The following PCDHGA7 variants were observed in gnomAD, a reference collection of about 807,000 sequenced individuals.
PCDHGA7 encodes the protein protocadherin gamma-A7.
PCDHGA7 carries 44 observed loss-of-function variants against 58.3 expected under a neutral mutation model. The ratio of observed to expected loss-of-function variants is 0.75; its 90% CI spans 0.59 to 0.97. The LOEUF (loss-of-function observed/expected upper bound fraction) is 0.97. PCDHGA7 is among the 50% of genes least tolerant of loss of function. The pLI is 0.00. For synonymous variants in PCDHGA7, 516 were observed against 504.2 expected, an observed-to-expected ratio of 1.02 and a Z score of -0.31; for missense variants, 1,266 against 1,188.7, an observed-to-expected ratio of 1.06 and a Z score of -0.96.
chr5:141,461,778 C>CA (rs1280703059), intron 1 of PCDHGA7, among the ~76,000 whole-genome samples: 6 of 152,052 alleles, frequency 3.9e-5, no homozygotes, highest in Non-Finnish European at 7.4e-5. Context: ...CTCAGCCTCC[C>CA]AAGTAGCTGG....
At chr5:141,410,216 C>T in intron 1 of PCDHGA7, 1 of 1,614,002 alleles carries the variant, frequency 6.2e-7, no homozygotes, top group Non-Finnish European at 8.5e-7. Flanking sequence ...GCAAGAGATA[C>T]TGCCAGACCT....
At chr5:141,390,649 G>A in intron 1 of PCDHGA7, 1 of 210,770 alleles carries the variant, frequency 4.7e-6, no homozygotes, top group Non-Finnish European at 9.4e-6. Flanking sequence ...TTTTCAGCTT[G>A]GATATACCAT....
chr5:141,478,612 G>A (rs1311028260), intron 1 of PCDHGA7: 2 of 1,558,218 alleles, frequency 1.3e-6, no homozygotes, highest in African/African-American at 1.4e-5. Flanking sequence ...TATTGAGGAA[G>A]GAATGGAGCT....
rs752999009 is a variant in PCDHGA7, at chr5:141,409,899, C to T, written c.2424+24576C>T. 4 of 1,613,152 alleles carry T rather than the reference C, an allele frequency of 2.5e-6. No individual in the cohort carries two copies. The East Asian group carries it at 8.9e-5, about 36-fold the overall frequency. ...AACGCACCGCGGGTGCTGTACCCAG[C>T]TCTGGGTCCTGACGGCTCCGCGTTC... On this transcript the variant is annotated intron_variant, in intron 1 of 3. Coordinates refer to ENST00000518325, the MANE Select transcript of PCDHGA7 (RefSeq NM_018920.4).
chr5:141,440,075 T>C (rs2098148518), intron 1 of PCDHGA7: 1 of 152,428 alleles, frequency 6.6e-6, no homozygotes, highest in Non-Finnish European at 1.5e-5. Flanking sequence ...TGAGGAATAA[T>C]ACTTCATTCT....
At chr5:141,502,019 G>A (rs1454981730) in intron 2 of PCDHGA7, among the ~76,000 whole-genome samples, 1 of 152,008 alleles carries the variant, frequency 6.6e-6, no homozygotes, top group African/African-American at 2.4e-5. Flanking sequence ...TCTCCTCCCT[G>A]CAACCCCCGC....
intron 1 of PCDHGA7, chr5:141,440,542 C>T (rs1448576873): frequency 6.6e-6 from 1 of 152,206 alleles, no homozygotes; most frequent in Non-Finnish European, 1.5e-5. Context: ...CACGGTTCAG[C>T]AGGAATGTTA....
chr5:141,405,041 G>A (rs1276032851), intron 1 of PCDHGA7: 1 of 1,613,976 alleles, frequency 6.2e-7, no homozygotes, highest in Non-Finnish European at 8.5e-7. Flanking sequence ...CGTTGTGGCT[G>A]TGGCAGTCGT....
chr5:141,475,768 G>A (rs756539564), intron 1 of PCDHGA7, among the ~76,000 whole-genome samples: 5 of 152,280 alleles, frequency 3.3e-5, no homozygotes, highest in South Asian at 2.1e-4. Flanking sequence ...TACTGGCAAG[G>A]CGCTTTGGCT....
intron 1 of PCDHGA7, chr5:141,420,307 A>G (rs2096487660): frequency 1.5e-5 from 22 of 1,459,622 alleles, no homozygotes; most frequent in Non-Finnish European, 1.8e-5. Flanking sequence ...AATCCTTTTT[A>G]TATTACAATA....
chr5:141,502,084 G>A (rs1438350526), intron 2 of PCDHGA7, among the ~76,000 whole-genome samples: 1 of 152,154 alleles, frequency 6.6e-6, no homozygotes, highest in African/African-American at 2.4e-5. Context: ...CTGGGGCTGA[G>A]AACACCTGGC....
chr5:141,413,043 C>A, intron 1 of PCDHGA7: 1 of 864,340 alleles, frequency 1.2e-6, no homozygotes, highest in Non-Finnish European at 1.7e-6. Flanking sequence ...TGCTGGGCTG[C>A]AGGGAAGCTC....
At chr5:141,409,276 G>A (rs1458443407) in intron 1 of PCDHGA7, 5 of 1,613,882 alleles carry the variant, frequency 3.1e-6, no homozygotes, top group African/African-American at 2.7e-5. Context: ...AGATTTTGGA[G>A]AATTCACCTC....
At chr5:141,416,530 G>A (rs976560428) in intron 1 of PCDHGA7, 2 of 152,160 alleles carry the variant, frequency 1.3e-5, no homozygotes, top group Non-Finnish European at 2.9e-5. Flanking sequence ...GCTCTTTAAT[G>A]TATAAGGAGG....
In PCDHGA7 at chr5:141,485,713, G is replaced by A. The variant is rs769162337; in HGVS notation, c.2425-9094G>A. The stretch of plus-strand genomic sequence containing the variant: ...TGAGCTCCAATGAACACTTTGCACT[G>A]GATGTGAAGAAGCGCAGCGACGGCA... On this transcript the variant is annotated intron_variant, in intron 1 of 3. Transcript: ENST00000518325. The surrounding 1 kb of genome is among the most constrained non-coding windows in gnomAD (Gnocchi z 5.7). 2 of 1,614,084 alleles carry A rather than the reference G, an allele frequency of 1.2e-6. No homozygotes were observed. The highest frequency in any genetic ancestry group is 1.3e-5 in the African/African-American group (1 of 74,942).
Position 141,432,058 on chromosome 5 carries a change from C to T in PCDHGA7, c.2424+46735C>T, listed in dbSNP as rs2097444209. On this transcript the variant is annotated intron_variant, in intron 1 of 3. Coordinates refer to ENST00000518325, the MANE Select transcript of PCDHGA7 (RefSeq NM_018920.4). The surrounding 1 kb of genome is among the most constrained non-coding windows in gnomAD (Gnocchi z 6.0). ...CTGACCGGGGAACCCCGCCCCTATC[C>T]ACGGAAACTCATATCTCGCTGAACG... 1 of 1,614,210 alleles carries T rather than the reference C, an allele frequency of 6.2e-7. No individual in the cohort carries two copies.
At chr5:141,471,114 T>A (rs1210058743) in intron 1 of PCDHGA7, among the ~76,000 whole-genome samples, 1 of 150,256 alleles carries the variant, frequency 6.7e-6, no homozygotes, top group Non-Finnish European at 1.5e-5. Context: ...AGTGGTGCGA[T>A]CTTACCTTCA....
Position 141,512,495 on chromosome 5 carries a change from C to T in PCDHGA7, c.*1322C>T, listed in dbSNP as rs2099884264. 1 of 152,920 alleles carries T rather than the reference C, an allele frequency of 6.5e-6. No homozygotes were observed. The highest frequency in any genetic ancestry group is 1.5e-5 in the Non-Finnish European group (1 of 68,240). The allele number at this position is 152,920 out of a possible 1,614,324, so 9.5% of individuals were successfully genotyped here. A position where few individuals can be genotyped will look rare whatever the true frequency, so the allele number is the denominator to read the frequency against. On this transcript the variant is annotated 3_prime_UTR_variant, in exon 4 of 4. Coordinates refer to ENST00000518325, the MANE Select transcript of PCDHGA7 (RefSeq NM_018920.4). ...TTCCGTGAAGGCCACTGCCCAGGTCCCCAGTGCGCCCCCTAGTGGCCATAG... is the reference window on the plus strand; with the variant it reads ...TTCCGTGAAGGCCACTGCCCAGGTCTCCAGTGCGCCCCCTAGTGGCCATAG...
chr5:141,476,483 G>T lies in PCDHGA7; in HGVS notation c.2425-18324G>T. On this transcript the variant is annotated intron_variant, in intron 1 of 3. Coordinates refer to ENST00000518325, the MANE Select transcript of PCDHGA7 (RefSeq NM_018920.4). The surrounding 1 kb of genome is among the most constrained non-coding windows in gnomAD (Gnocchi z 7.6). ...CCCGCTGGAGCTGTTCAGCGTGGAA[G>T]TGGTGATCCAGGACATCAACGACAA... 6.2e-7 allele frequency: 1 copy of T among 1,614,166 alleles called. No homozygotes were observed. The highest frequency in any genetic ancestry group is 8.5e-7 in the Non-Finnish European group (1 of 1,180,034).
Sources: gnomAD v4.1 joint callset for allele counts (sites outside exome capture counted in the v4.1 genomes callset) on GRCh38, gnomAD v4.1.1 for gene constraint, Gnocchi (gnomAD v3.1) non-coding constraint, MANE v1.5 for transcripts, NCBI Gene and HGNC (gene_info 2026-07-23, HGNC 2026-07-21) for gene names.